Variants in RABGGTA observed in about 807,000 individuals in gnomAD.
RABGGTA encodes the protein Rab geranylgeranyltransferase subunit alpha.
RABGGTA carries 69 observed loss-of-function variants against 83.3 expected under a neutral mutation model. That is an observed-to-expected ratio of 0.83 (90% CI 0.68 to 1.01). RABGGTA has a LOEUF of 1.01. Ranked by LOEUF, RABGGTA falls within the 50% of genes least tolerant of loss-of-function variation. The pLI is 0.00. For missense variants in RABGGTA, 681 were observed against 712.7 expected, an observed-to-expected ratio of 0.96 and a Z score of 0.51; for synonymous variants, 310 against 299.8, an observed-to-expected ratio of 1.03 and a Z score of -0.35.
intron 4 of RABGGTA, 26 bp from the exon 5 acceptor site, chr14:24,270,166 T>C: frequency 6.4e-7 from 1 of 1,564,902 alleles, no homozygotes; most frequent in Admixed American, 1.9e-5. Flanking sequence ...AAGGGGGGGG[T>C]CAGGGCTCTC....
Position 24,269,560 on chromosome 14 carries a change from A to G in RABGGTA, c.562T>C (p.Leu188=). The change falls in exon 6 of 17, where the codon TTG becomes CTG. Residue 188 remains leucine (L), a synonymous_variant. Coordinates refer to ENST00000216840, the MANE Select transcript of RABGGTA (RefSeq NM_182836.3). ...YSSWHYRSCL[L]PQLHPQPDSG... ...TCCGGCTGGGGGTGCAGCTGGGGCA[A>G]GAGACAGGAGCGGTAATGCCAGGAA... 6.2e-7 allele frequency: 1 copy of G among 1,611,120 alleles called. No individual in the cohort carries two copies. Among genetic ancestry groups the G allele is most frequent in the African/African-American group, 1.3e-5 (1 of 74,982 alleles).
chr14:24,269,824 A>G, intron 5 of RABGGTA, 129 bp downstream of exon 5: 1 of 1,439,298 alleles, frequency 6.9e-7, no homozygotes, highest in Admixed American at 2.0e-5. Flanking sequence ...ATTTGGCTCC[A>G]ACATCCCTTT....
In RABGGTA at chr14:24,270,455, G is replaced by A. The variant is rs1379057860; in HGVS notation, c.118C>T (p.Gln40Ter). Reference protein sequence around the residue: ...SATQAVFQKRQAGELDESVLE... With the variant: ...SATQAVFQKR ...ACGGACTCATCCAGCTCACCAGCCTGGCGCTAAGAAGATAGGTGGCAGGGT... is the reference window on the plus strand; with the variant it reads ...ACGGACTCATCCAGCTCACCAGCCTAGCGCTAAGAAGATAGGTGGCAGGGT... Residue 40 changes from glutamine (Q) to a stop codon, truncating the protein, a stop_gained, in exon 4 of 17, where the codon CAG becomes TAG. Transcript: ENST00000216840. LOFTEE classifies it high-confidence loss of function. The A allele has an allele frequency of 1.2e-6, 2 of 1,614,012 alleles. No individual in the cohort carries two copies. The highest frequency in any genetic ancestry group is 1.7e-6 in the Non-Finnish European group (2 of 1,179,886).
chr14:24,268,517 T>G lies in RABGGTA; in HGVS notation c.1003A>C (p.Lys335Gln). Residue 335 changes from lysine (K) to glutamine (Q), a missense_variant, in exon 10 of 17, where the codon AAA becomes CAA. By Grantham distance (53) the Lys-to-Gln change is moderately conservative (BLOSUM62 1). Coordinates refer to ENST00000216840, the MANE Select transcript of RABGGTA (RefSeq NM_182836.3). ...TGGAGGCTGCAGGTTCCATCACCTT[T>G]TAAAAGCACGCATTCTTTCTGGACA... ...GDVQKECVLL[K>Q]GRQEGWCRDS... The G allele has an allele frequency of 6.2e-7, 1 of 1,613,920 alleles. No homozygotes were observed. The highest frequency in any genetic ancestry group is 8.5e-7 in the Non-Finnish European group (1 of 1,179,826).
At chr14:24,271,223 G>C (rs1235510275) in intron 1 of RABGGTA, 54 bp from the exon 2 acceptor site, 2 of 1,368,518 alleles carry the variant, frequency 1.5e-6, no homozygotes, top group Admixed American at 5.7e-5. Context: ...TCCGCCCACA[G>C]CTGTGTCCGG....
At position 24,270,911 on chromosome 14, in the gene RABGGTA, C is replaced by A; in HGVS notation, c.40G>T (p.Ala14Ser). The change falls in exon 3 of 17, where the codon GCG becomes TCG. Residue 14 changes from alanine to serine, a missense_variant. Ala to Ser is a moderately conservative substitution (Grantham distance 99, BLOSUM62 1). This residue lies in a region of RABGGTA where 115 missense variants were observed against 111.5 expected (regional missense o/e 1.03). Coordinates refer to ENST00000216840, the MANE Select transcript of RABGGTA (RefSeq NM_182836.3). ...TCTCGCTCTAGCCTTTTGGCCTCCGCCTGCTCTTCTGACGTCTTCACCTTC... is the reference window on the plus strand; with the variant it reads ...TCTCGCTCTAGCCTTTTGGCCTCCGACTGCTCTTCTGACGTCTTCACCTTC... ...RLKVKTSEEQ[A>S]EAKRLEREQK... 6.2e-7 allele frequency: 1 copy of A among 1,614,030 alleles called. No homozygotes were observed. Among genetic ancestry groups the A allele is most frequent in the Non-Finnish European group, 8.5e-7 (1 of 1,179,898 alleles).
At position 24,270,431 on chromosome 14, in the gene RABGGTA, C is replaced by T. The variant is rs760688629; in HGVS notation, c.142G>A (p.Val48Met). The T allele has an allele frequency of 2.4e-5, 39 of 1,613,854 alleles. No homozygotes were observed. In the Admixed American group the frequency reaches 3.2e-4, roughly 13 times the overall value. The part of the protein sequence containing the change: ...KRQAGELDES[V>M]LELTSQILGA... Reference sequence around the variant, plus strand: ...AGAATCTGGCTTGTCAGTTCCAGCACGGACTCATCCAGCTCACCAGCCTGG... The same window carrying T: ...AGAATCTGGCTTGTCAGTTCCAGCATGGACTCATCCAGCTCACCAGCCTGG... The change falls in exon 4 of 17, where the codon GTG (valine) becomes ATG (methionine). Residue 48 changes from valine (V) to methionine (M), a missense_variant. This residue lies in a region of RABGGTA where 115 missense variants were observed against 111.5 expected (regional missense o/e 1.03). Coordinates refer to ENST00000216840, the MANE Select transcript of RABGGTA (RefSeq NM_182836.3).
At chr14:24,269,395 A>G in intron 6 of RABGGTA, 96 bp downstream of exon 6, 2 of 1,413,314 alleles carry the variant, frequency 1.4e-6, no homozygotes, top group Non-Finnish European at 2.0e-6. Context: ...GTAGGTGCTC[A>G]ATAAACCTGA....
intron 1 of RABGGTA, 73 bp from the exon 2 acceptor site, chr14:24,271,242 A>G: frequency 3.9e-6 from 5 of 1,284,144 alleles, no homozygotes; most frequent in Non-Finnish European, 4.2e-6. Context: ...GGAAGCAGCA[A>G]GCGTGCCTGG....
Position 24,267,722 on chromosome 14 carries a change from G to C in RABGGTA, c.1291C>G (p.Leu431Val). ...YLDDLRSKFL[L>V]ENSVLKMEYA... ...TCCATCTTGAGCACGCTATTCTCCAGCAAGAACTTGCTGCGCAGGTCATCC... is the reference window on the plus strand; with the variant it reads ...TCCATCTTGAGCACGCTATTCTCCACCAAGAACTTGCTGCGCAGGTCATCC... The change falls in exon 14 of 17, where the codon CTG (leucine) becomes GTG (valine). Residue 431 changes from leucine (L) to valine (V), a missense_variant. Coordinates refer to ENST00000216840, the MANE Select transcript of RABGGTA (RefSeq NM_182836.3). The C allele has an allele frequency of 6.2e-7, 1 of 1,612,092 alleles. No individual in the cohort carries two copies. Among genetic ancestry groups the C allele is most frequent in the Non-Finnish European group, 8.5e-7 (1 of 1,179,848 alleles).
Position 24,268,631 on chromosome 14 carries a change from G to A in RABGGTA, c.901-12C>T. 1 of 1,613,126 alleles carries A rather than the reference G, an allele frequency of 6.2e-7. No homozygotes were observed. Among genetic ancestry groups the A allele is most frequent in the Non-Finnish European group, 8.5e-7 (1 of 1,179,204 alleles). ...GGCAGGTCACAGAGCTGGGAGTACT[G>A]GGTCAAGGAAATGCCCCAGCCTAAC... On this transcript the variant is annotated splice_polypyrimidine_tract_variant and intron_variant, in intron 9 of 16. Coordinates refer to ENST00000216840, the MANE Select transcript of RABGGTA (RefSeq NM_182836.3).
rs141912660 is a variant in RABGGTA at position 24,269,651 on chromosome 14, G to A, written c.471C>T (p.Ala157=). The change falls in exon 6 of 17, where the codon GCC becomes GCT. Residue 157 remains alanine (A), a synonymous_variant. Coordinates refer to ENST00000216840, the MANE Select transcript of RABGGTA (RefSeq NM_182836.3). ...AGGCTAGCTCTTCTGCAGGGGGCAC[G>A]GCTGCCTGTGTGGCCACAAACCGCC... is the stretch of plus-strand genomic sequence containing the variant. The part of the protein sequence containing the change: ...DYRRFVATQA[A]VPPAEELAFT... The A allele has an allele frequency of 1.6e-5, 26 of 1,613,890 alleles. No homozygotes were observed. In the African/African-American group the frequency reaches 1.9e-4, roughly 12 times the overall value.
chr14:24,271,310 G>C, intron 1 of RABGGTA, 141 bp from the exon 2 acceptor site: 4 of 580,140 alleles, frequency 6.9e-6, no homozygotes, highest in East Asian at 3.1e-5. Context: ...TTCCACAAGA[G>C]GTGAGCACCC....
intron 9 of RABGGTA, 40 bp downstream of exon 9, chr14:24,268,685 G>A (rs1233877772): frequency 6.2e-7 from 1 of 1,602,408 alleles, no homozygotes; most frequent in East Asian, 2.2e-5. Flanking sequence ...ACCCAGCCCT[G>A]CCCCAGACCC....
In RABGGTA at chr14:24,269,541, T is replaced by C; in HGVS notation, c.581A>G (p.Gln194Arg). 1 of 1,609,634 alleles carries C rather than the reference T, an allele frequency of 6.2e-7. No individual in the cohort carries two copies. The highest frequency in any genetic ancestry group is 1.3e-5 in the African/African-American group (1 of 74,878). Residue 194 changes from glutamine to arginine, a missense_variant, in exon 6 of 17, where the codon CAG becomes CGG. By Grantham distance (43) the Gln-to-Arg change is conservative. Coordinates refer to ENST00000216840, the MANE Select transcript of RABGGTA (RefSeq NM_182836.3). ...GCGCCCCTGTGGTCCAGAATCCGGC[T>C]GGGGGTGCAGCTGGGGCAAGAGACA... is the stretch of plus-strand genomic sequence containing the variant. Reference protein sequence around the residue: ...RSCLLPQLHPQPDSGPQGRLP... With the variant: ...RSCLLPQLHPRPDSGPQGRLP...
Position 24,266,418 on chromosome 14 carries a change from A to G in RABGGTA, c.1555+12T>C, listed in dbSNP as rs2877612. 0.26 allele frequency: 424,718 copies of G among 1,612,568 alleles called. 60,079 individuals are homozygous for G. The highest frequency in any genetic ancestry group is 0.48 in the East Asian group (21,602 of 44,848). ...TACCCACTGTCTGAAAGGCACCCAGAAGGAAGGATACGGTTGTTGCACAGT... is the reference window on the plus strand; with the variant it reads ...TACCCACTGTCTGAAAGGCACCCAGGAGGAAGGATACGGTTGTTGCACAGT... On this transcript the variant is annotated intron_variant, in intron 16 of 16. Transcript: ENST00000216840.
rs767062587 is a variant in RABGGTA at position 24,266,697 on chromosome 14, T to C, written c.1467+79A>G. 1.2e-5 allele frequency: 16 copies of C among 1,376,788 alleles called. 1 individual carries two copies. The highest frequency in any genetic ancestry group is 7.1e-5 in the South Asian group (6 of 85,096). 85.3% of individuals were successfully genotyped at this position (1,376,788 alleles called of 1,614,324 possible). ...GGGTGGAGGGTCCTGCACATCTCCT[T>C]GTAGGATGGGCAGACTTCTGAGGGA... On this transcript the variant is annotated intron_variant, in intron 15 of 16. Transcript: ENST00000216840.
Position 24,265,758 on chromosome 14 carries a change from G to T in RABGGTA, c.1561C>A (p.Gln521Lys), listed in dbSNP as rs773364784. 3 of 1,607,546 alleles carry T rather than the reference G, an allele frequency of 1.9e-6. No individual in the cohort carries two copies. Among genetic ancestry groups the T allele is most frequent in the Non-Finnish European group, 2.5e-6 (3 of 1,177,240 alleles). ...AGAGGCTGGAGCACTGCAGGCTGCT[G>T]GAGGCCTTGTTCAGGAGAGTCAAGG... is the stretch of plus-strand genomic sequence containing the variant. ...QELLLCNNRLQQPAVLQPLAS... is the reference protein window; with the variant it reads ...QELLLCNNRLKQPAVLQPLAS... The change falls in exon 17 of 17, where the codon CAG becomes AAG. Residue 521 changes from glutamine (Q) to lysine (K), a missense_variant. Coordinates refer to ENST00000216840, the MANE Select transcript of RABGGTA (RefSeq NM_182836.3).
At chr14:24,266,975 CCT>C (rs2040882128) in intron 14 of RABGGTA, 86 bp from the exon 15 acceptor site, 1 of 973,620 alleles carries the variant, frequency 1.0e-6, no homozygotes, top group Non-Finnish European at 1.6e-6. Flanking sequence ...AGGCACATGC[CCT>C]CTGTGCCCCA....
Sources: allele counts gnomAD v4.1 joint callset, GRCh38; gene constraint gnomAD v4.1.1; regional missense constraint gnomAD v4.1.1; transcripts MANE v1.5; gene names NCBI Gene and HGNC (gene_info 2026-07-23, HGNC 2026-07-21).